The following SNAP25 variants were observed in gnomAD, a reference collection of about 807,000 sequenced individuals.
SNAP25 encodes the protein synaptosome associated protein 25.
A neutral mutation model predicts 28.7 loss-of-function variants in SNAP25; 3 were observed. That is an observed-to-expected ratio of 0.10 (90% confidence interval 0.05 to 0.27). The LOEUF (loss-of-function observed/expected upper bound fraction) is 0.27, where lower values mean the gene tolerates loss of function less well. Ranked by LOEUF, SNAP25 falls within the 10% of genes least tolerant of loss-of-function variation. SNAP25 has a pLI of 1.00. For missense variants in SNAP25, 117 were observed against 278.7 expected (o/e 0.42, Z 4.13); for synonymous variants, 61 against 88.1 (o/e 0.69, Z 1.72).
chr20:10,290,500 C>T (rs2063972983), intron 4 of SNAP25, among the ~76,000 whole-genome samples: 1 of 152,056 alleles, frequency 6.6e-6, no homozygotes, highest in Middle Eastern at 3.2e-3. Context: ...TTTAGACGTG[C>T]CTGTTTGTTT....
intron 1 of SNAP25, among the ~76,000 whole-genome samples, chr20:10,254,563 C>A (rs942482642): frequency 2.0e-5 from 3 of 152,172 alleles, no homozygotes; most frequent in Admixed American, 6.5e-5. Context: ...TGCCTCTCTG[C>A]AAGTAGCTTA....
intron 1 of SNAP25, among the ~76,000 whole-genome samples, chr20:10,263,506 T>C (rs191716545): frequency 4.3e-4 from 66 of 152,302 alleles, no homozygotes; most frequent in African/African-American, 1.5e-3. Flanking sequence ...AGAAATAGTT[T>C]GGTTTTCATG....
At chr20:10,271,175 G>C (rs1349435680) in intron 1 of SNAP25, among the ~76,000 whole-genome samples, 1 of 152,176 alleles carries the variant, frequency 6.6e-6, no homozygotes, top group Non-Finnish European at 1.5e-5. Context: ...ATTGCAGGCT[G>C]CCTTGATCAT....
At chr20:10,257,127 G>A (rs2063330912) in intron 1 of SNAP25, among the ~76,000 whole-genome samples, 1 of 152,100 alleles carries the variant, frequency 6.6e-6, no homozygotes, top group African/African-American at 2.4e-5. Flanking sequence ...TGTTACCGGG[G>A]CATCAAGATT....
intron 1 of SNAP25, among the ~76,000 whole-genome samples, chr20:10,239,131 G>A (rs2062977232): frequency 1.3e-5 from 2 of 152,262 alleles, no homozygotes; most frequent in Admixed American, 1.3e-4. Context: ...TCCAAATGGA[G>A]CATTTAAATG....
chr20:10,219,992 A>T (rs6032825), intron 1 of SNAP25, among the ~76,000 whole-genome samples: 30,209 of 152,016 alleles, frequency 0.2, 4,387 homozygotes, highest in African/African-American at 0.42. Context: ...TACATTTTTT[A>T]AAAAATATGG....
intron 7 of SNAP25, among the ~76,000 whole-genome samples, chr20:10,300,382 C>G (rs2064206612): frequency 6.6e-6 from 1 of 152,052 alleles, no homozygotes; most frequent in Non-Finnish European, 1.5e-5. Flanking sequence ...TGTCCAAATG[C>G]TAAAAAGGAG....
chr20:10,296,236 C>G (rs1459599906), intron 5 of SNAP25: 2 of 152,122 alleles, frequency 1.3e-5, no homozygotes, highest in Non-Finnish European at 2.9e-5. Flanking sequence ...GCTTCTTTTA[C>G]TTTTTGTCTC....
intron 1 of SNAP25, among the ~76,000 whole-genome samples, chr20:10,221,750 C>T (rs1440609743): frequency 6.6e-6 from 1 of 152,232 alleles, no homozygotes; most frequent in African/African-American, 2.4e-5. Flanking sequence ...TATTCCCAAG[C>T]TCTAAATGTT....
Position 10,284,780 on chromosome 20 carries a change from C to G in SNAP25, c.163+8C>G, listed in dbSNP as rs761623174. The G allele has an allele frequency of 6.2e-7, 1 of 1,605,346 alleles. No individual in the cohort carries two copies. On this transcript the variant is annotated splice_region_variant and intron_variant, in intron 4 of 7. Transcript: ENST00000254976. ...TGTTGGATGAACAAGGAGGTAAGTTCAGATTTCTTCAGTAAGAACAATTCC... is the reference window on the plus strand; with the variant it reads ...TGTTGGATGAACAAGGAGGTAAGTTGAGATTTCTTCAGTAAGAACAATTCC...
chr20:10,274,222 A>G (rs1366323638), intron 1 of SNAP25, among the ~76,000 whole-genome samples: 1 of 152,162 alleles, frequency 6.6e-6, no homozygotes, highest in Non-Finnish European at 1.5e-5. Context: ...TCAAGAGAGT[A>G]GCCAAGAAAT....
intron 1 of SNAP25, among the ~76,000 whole-genome samples, chr20:10,267,121 A>G (rs1290688829): frequency 6.6e-6 from 1 of 152,198 alleles, no homozygotes; most frequent in Non-Finnish European, 1.5e-5. Context: ...AAATCTTAAC[A>G]TCACATTTTC....
chr20:10,239,119 G>T (rs1466793443), intron 1 of SNAP25, among the ~76,000 whole-genome samples: 2 of 152,082 alleles, frequency 1.3e-5, no homozygotes, highest in African/African-American at 4.8e-5. Flanking sequence ...TTATACACTG[G>T]TTCCAAATGG....
chr20:10,295,843 T>C (rs1238464353), intron 5 of SNAP25, among the ~76,000 whole-genome samples: 1 of 152,200 alleles, frequency 6.6e-6, no homozygotes, highest in African/African-American at 2.4e-5. Context: ...TTGGGCACAA[T>C]AGGTATGCCT....
chr20:10,284,864 A>T (rs1197820786), intron 4 of SNAP25, 92 bp downstream of exon 4: 3 of 1,007,990 alleles, frequency 3.0e-6, no homozygotes, highest in Non-Finnish European at 4.7e-6. Flanking sequence ...TCGCTTTGAC[A>T]TGTGTTACAC....
chr20:10,244,950 C>T (rs1364631409), intron 1 of SNAP25, among the ~76,000 whole-genome samples: 2 of 152,032 alleles, frequency 1.3e-5, no homozygotes, highest in African/African-American at 2.4e-5. Context: ...AGGCTTGTCT[C>T]GAACTCCTGA....
intron 1 of SNAP25, among the ~76,000 whole-genome samples, chr20:10,221,258 G>T (rs78697464): frequency 6.6e-6 from 1 of 152,260 alleles, no homozygotes; most frequent in African/African-American, 2.4e-5. Context: ...GGGGAGGAGC[G>T]GGGGAAGTAG....
chr20:10,287,634 T>C (rs967870907), intron 4 of SNAP25, among the ~76,000 whole-genome samples: 1 of 141,040 alleles, frequency 7.1e-6, no homozygotes, highest in African/African-American at 2.8e-5. Context: ...AGAAATACCA[T>C]TTGACCCAGC....
intron 1 of SNAP25, among the ~76,000 whole-genome samples, chr20:10,239,513 C>T (rs377404818): frequency 6.6e-6 from 1 of 152,212 alleles, no homozygotes; most frequent in South Asian, 2.1e-4. Context: ...CATTTGGTGG[C>T]TGCAGGCAGG....
Sources: gnomAD v4.1 joint callset for allele counts (sites outside exome capture counted in the v4.1 genomes callset) on GRCh38, gnomAD v4.1.1 for gene constraint, MANE v1.5 for transcripts, NCBI Gene and HGNC (gene_info 2026-07-23, HGNC 2026-07-21) for gene names.